The following PODNL1 variants were observed in gnomAD, a reference collection of about 807,000 sequenced individuals.
PODNL1 encodes podocan-like protein 1.
A neutral mutation model predicts 45.1 loss-of-function variants in PODNL1; 50 were observed. That is an observed-to-expected ratio of 1.11 (90% confidence interval 0.88 to 1.40). The LOEUF (loss-of-function observed/expected upper bound fraction) is 1.40. Ranked by LOEUF, PODNL1 falls within the 40% of genes most tolerant of loss-of-function variation. The pLI is 0.00. For synonymous variants in PODNL1, 406 were observed against 372.5 expected (o/e 1.09, Z -1.04); for missense variants, 788 against 793.3 (o/e 0.99, Z 0.08).
In PODNL1 at chr19:13,934,524, T is replaced by TGCGC. The variant is rs1394468095; in HGVS notation, c.495-115_495-114insGCGC. On this transcript the variant is annotated intron_variant, in intron 5 of 9. Coordinates refer to ENST00000588872, the MANE Select transcript of PODNL1 (RefSeq NM_001370095.3). ...GTGTGTGTGTGTGTGTGTGTGTGTGTGTGCGCGCGCATGTGTGGAGTCTGT... is the reference window on the plus strand; with the variant it reads ...GTGTGTGTGTGTGTGTGTGTGTGTGTGCGCGTGCGCGCGCATGTGTGGAGTCTGT... The TGCGC allele has an allele frequency of 1.7e-5, 17 of 1,025,938 alleles. 1 individual carries two copies. In the African/African-American group the frequency reaches 2.0e-4, roughly 12 times the overall value. The allele number at this position is 1,025,938 out of a possible 1,614,324, so 63.6% of individuals were successfully genotyped here.
rs150567665 is a variant in PODNL1, at chr19:13,937,892, G to C, written c.118C>G (p.Pro40Ala). The change falls in exon 2 of 10, where the codon CCC becomes GCC. Residue 40 changes from proline (P) to alanine (A), a missense_variant. Pro to Ala is a conservative substitution (Grantham distance 27, BLOSUM62 -1). This residue lies in a region of PODNL1 where 762 missense variants were observed against 750.9 expected (regional missense o/e 1.01). Transcript: ENST00000588872. ...ESLQPLPRAC[P>A]LRCSCPRVDT... Reference sequence around the variant, plus strand: ...ACTCGGGGGCAGGAGCAGCGCAGGGGACAGGCCCGGGGCAGGGGCTGCAAG... The same window carrying C: ...ACTCGGGGGCAGGAGCAGCGCAGGGCACAGGCCCGGGGCAGGGGCTGCAAG... The C allele has an allele frequency of 2.9e-5, 45 of 1,574,982 alleles. No individual in the cohort carries two copies. In the African/African-American group the frequency reaches 4.4e-4, roughly 16 times the overall value.
At chr19:13,936,213 C>T (rs544344027) in intron 3 of PODNL1, among the ~76,000 whole-genome samples, 154 bp downstream of exon 3, 154 of 152,214 alleles carry the variant, frequency 1.0e-3, no homozygotes, top group Non-Finnish European at 1.9e-3. Context: ...CCCCAACCCC[C>T]ACCCCAGCTC....
intron 2 of PODNL1, among the ~76,000 whole-genome samples, chr19:13,937,560 C>A: frequency 6.6e-6 from 1 of 151,976 alleles, no homozygotes; most frequent in Non-Finnish European, 1.5e-5. Context: ...CACCACTAAT[C>A]CTCAGTCCCC....
At chr19:13,951,282 CA>C (rs923662490) in intron 1 of PODNL1, among the ~76,000 whole-genome samples, 9 of 150,874 alleles carry the variant, frequency 6.0e-5, no homozygotes, top group East Asian at 3.9e-4. Context: ...CCCATCTCTA[CA>C]AAAAAAATTT....
At chr19:13,953,011 C>G (rs1973147061) in intron 1 of PODNL1, 1 of 1,292,080 alleles carries the variant, frequency 7.7e-7, no homozygotes. Context: ...ATAATGGAAC[C>G]TTCCCGCCCC....
chr19:13,938,120 G>A (rs1317909227), intron 1 of PODNL1, 59 bp downstream of exon 1: 154 of 1,535,922 alleles, frequency 1.0e-4, no homozygotes, highest in Non-Finnish European at 1.3e-4. Flanking sequence ...CCAGTTGGCA[G>A]AGCAGGGGTG....
chr19:13,952,335 CG>C (rs1294963856), intron 1 of PODNL1, among the ~76,000 whole-genome samples: 2 of 152,164 alleles, frequency 1.3e-5, no homozygotes, highest in East Asian at 1.9e-4. Context: ...CAACGGGCCG[CG>C]GGGGCTGTTA....
At chr19:13,945,794 C>G (rs1972796249) in intron 1 of PODNL1, among the ~76,000 whole-genome samples, 1 of 151,300 alleles carries the variant, frequency 6.6e-6, no homozygotes, top group Non-Finnish European at 1.5e-5. Flanking sequence ...GTTGTAGAGG[C>G]AGGAGAATCG....
chr19:13,946,147 C>A (rs1457127266), intron 1 of PODNL1, among the ~76,000 whole-genome samples: 1 of 151,992 alleles, frequency 6.6e-6, no homozygotes, highest in East Asian at 1.9e-4. Context: ...AATGGAGTTT[C>A]TTGGCTGGGT....
At position 13,936,010 on chromosome 19, in the gene PODNL1, C is replaced by G. The variant is rs1337032482; in HGVS notation, c.354G>C (p.Gln118His). The change falls in exon 4 of 10, where the codon CAG (glutamine) becomes CAC (histidine). Residue 118 changes from glutamine to histidine, a missense_variant. Gln to His is a conservative substitution (Grantham distance 24, BLOSUM62 0). This residue lies in a region of PODNL1 where 762 missense variants were observed against 750.9 expected (regional missense o/e 1.01). Coordinates refer to ENST00000588872, the MANE Select transcript of PODNL1 (RefSeq NM_001370095.3). ...LPDEAFESLT[Q>H]LQHLCVAHNK... ...TGTGAGCCACGCAGAGGTGCTGCAG[C>G]TGGGTGAGGGACTCGAAGGCCTCGT... The G allele has an allele frequency of 6.4e-6, 10 of 1,552,996 alleles. No individual in the cohort carries two copies. In the South Asian group the frequency reaches 1.1e-4, roughly 17 times the overall value.
intron 1 of PODNL1, among the ~76,000 whole-genome samples, chr19:13,950,320 A>T (rs2145470004): frequency 6.6e-6 from 1 of 152,226 alleles, no homozygotes; most frequent in Admixed American, 6.5e-5. Flanking sequence ...GGCGTGTGCC[A>T]GTAGAGTCAG....
At chr19:13,934,139 G>T in intron 6 of PODNL1, 115 bp downstream of exon 6, 1 of 1,370,548 alleles carries the variant, frequency 7.3e-7, no homozygotes, top group Non-Finnish European at 9.9e-7. Context: ...GGATAACTCT[G>T]ACCACTGGCA....
intron 1 of PODNL1, chr19:13,952,501 G>C (rs1183956131): frequency 8.0e-7 from 1 of 1,250,648 alleles, no homozygotes. Flanking sequence ...GAAGTGGAGG[G>C]AGGGGGTGAA....
rs539739794 is a variant in PODNL1, at chr19:13,935,016, A to G, written c.495-606T>C. 2.1e-4 allele frequency among the ~76,000 whole-genome samples: 32 copies of G among 150,936 alleles called. 1 individual carries two copies. Among genetic ancestry groups the G allele is most frequent in the Non-Finnish European group, 3.2e-4 (22 of 67,760 alleles). ...CATGCATGAGTGTGTGCCTGTGTGCATGTGGTTGGAAGTGTGTGCAGGTGT... is the reference window on the plus strand; with the variant it reads ...CATGCATGAGTGTGTGCCTGTGTGCGTGTGGTTGGAAGTGTGTGCAGGTGT... On this transcript the variant is annotated intron_variant, in intron 5 of 9. Coordinates refer to ENST00000588872, the MANE Select transcript of PODNL1 (RefSeq NM_001370095.3).
chr19:13,952,623 C>T (rs1973106143), intron 1 of PODNL1: 2 of 1,268,184 alleles, frequency 1.6e-6, no homozygotes, highest in East Asian at 6.3e-5. Context: ...AGCACGTCCT[C>T]AAGCAGCTGG....
Position 13,934,673 on chromosome 19 carries a change from G to A in PODNL1, c.495-263C>T, listed in dbSNP as rs529869029. ...CAGTGTGCATGTGTAAGTGTAATGAGTGCATATGTGGAGTGTGTGTGCACG... is the reference window on the plus strand; with the variant it reads ...CAGTGTGCATGTGTAAGTGTAATGAATGCATATGTGGAGTGTGTGTGCACG... On this transcript the variant is annotated intron_variant, in intron 5 of 9. Coordinates refer to ENST00000588872, the MANE Select transcript of PODNL1 (RefSeq NM_001370095.3). 3.9e-5 allele frequency among the ~76,000 whole-genome samples: 6 copies of A among 152,056 alleles called. No individual in the cohort carries two copies. In the East Asian group the frequency reaches 9.6e-4, roughly 24 times the overall value.
Position 13,933,162 on chromosome 19 carries a change from C to T in PODNL1, c.1061G>A (p.Arg354His), listed in dbSNP as rs951089345. 16 of 1,531,280 alleles carry T rather than the reference C, an allele frequency of 1.0e-5. No homozygotes were observed. The highest frequency in any genetic ancestry group is 2.4e-5 in the South Asian group (2 of 83,520). The allele number at this position is 1,531,280 out of a possible 1,614,324, so 94.9% of individuals were successfully genotyped here. A position where few individuals can be genotyped will look rare whatever the true frequency, so the allele number is the denominator to read the frequency against. Reference protein sequence around the residue: ...RVPPALPRRLRALVLPHNHVA... With the variant: ...RVPPALPRRLHALVLPHNHVA... ...GTGGTTGTGGGGCAGCACCAGGGCA[C>T]GCAGGCGGCGGGGCAGGGCTGGAGG... Residue 354 changes from arginine (R) to histidine (H), a missense_variant, in exon 8 of 10, where the codon CGT becomes CAT. This residue lies in a region of PODNL1 where 762 missense variants were observed against 750.9 expected (regional missense o/e 1.01). Coordinates refer to ENST00000588872, the MANE Select transcript of PODNL1 (RefSeq NM_001370095.3). This position sits in a 1 kb window ranked among gnomAD's most constrained non-coding sequence, Gnocchi z 5.2.
At position 13,932,070 on chromosome 19, in the gene PODNL1, C is replaced by T; in HGVS notation, c.1468G>A (p.Asp490Asn). The T allele has an allele frequency of 8.1e-7, 1 of 1,232,776 alleles. No individual in the cohort carries two copies. The highest frequency in any genetic ancestry group is 1.0e-6 in the Non-Finnish European group (1 of 988,466). 76.4% of individuals were successfully genotyped at this position (1,232,776 alleles called of 1,614,324 possible). Residue 490 changes from aspartate to asparagine, a missense_variant, in exon 9 of 10, where the codon GAC (aspartate) becomes AAC (asparagine). By Grantham distance (23) the Asp-to-Asn change is conservative. Coordinates refer to ENST00000588872, the MANE Select transcript of PODNL1 (RefSeq NM_001370095.3). ...AGCTCCTCTAGGGCCTCAGGCAGGTCCGGGGGCACAAAGGACAGCTCATTG... is the reference window on the plus strand; with the variant it reads ...AGCTCCTCTAGGGCCTCAGGCAGGTTCGGGGGCACAAAGGACAGCTCATTG... ...SHNELSFVPP[D>N]LPEALEELHL...
Position 13,933,049 on chromosome 19 carries a change from C to G in PODNL1, c.1174G>C (p.Val392Leu). The change falls in exon 8 of 10, where the codon GTG (valine) becomes CTG (leucine). Residue 392 changes from valine to leucine, a missense_variant. Around this residue, in one of 3 missense-constraint regions of PODNL1, gnomAD observed 762 missense variants for 750.9 expected, o/e 1.01. Coordinates refer to ENST00000588872, the MANE Select transcript of PODNL1 (RefSeq NM_001370095.3). This position sits in a 1 kb window ranked among gnomAD's most constrained non-coding sequence, Gnocchi z 5.2. Reference sequence around the variant, plus strand: ...AACCGGCGGAAGGCCCGGTGGTGCACACGGGCGCTGGCCAGGCGGTTATAG... The same window carrying G: ...AACCGGCGGAAGGCCCGGTGGTGCAGACGGGCGCTGGCCAGGCGGTTATAG... ...LAYNRLASAR[V>L]HHRAFRRLRA... is the part of the protein sequence containing the mutation. The G allele has an allele frequency of 6.5e-7, 1 of 1,536,702 alleles. No homozygotes were observed. The highest frequency in any genetic ancestry group is 8.7e-7 in the Non-Finnish European group (1 of 1,146,768).
Sources: allele counts gnomAD v4.1 joint callset (sites outside exome capture counted in the v4.1 genomes callset), GRCh38; gene constraint gnomAD v4.1.1; regional missense constraint gnomAD v4.1.1; non-coding constraint Gnocchi (gnomAD v3.1); transcripts MANE v1.5; gene names NCBI Gene and HGNC (gene_info 2026-07-23, HGNC 2026-07-21).